The following RACGAP1 variants were observed in gnomAD, a reference collection of about 807,000 sequenced individuals.
The protein encoded by RACGAP1 is rac GTPase-activating protein 1.
RACGAP1 carries 30 observed loss-of-function variants against 78.1 expected under a neutral mutation model. That is an observed-to-expected ratio of 0.38 (90% CI 0.29 to 0.52). The LOEUF is 0.52. RACGAP1 is among the 20% of genes least tolerant of loss of function. The probability of loss-of-function intolerance (pLI) is 0.82; values close to 1 mark genes in which losing one functional copy is unlikely to be tolerated. For synonymous variants in RACGAP1, 231 were observed against 264.8 expected, an observed-to-expected ratio of 0.87 and a Z score of 1.24; for missense variants, 587 against 777.1, an observed-to-expected ratio of 0.76 and a Z score of 2.91.
At chr12:50,001,000 A>G (rs1948639578) in intron 7 of RACGAP1, among the ~76,000 whole-genome samples, 172 bp downstream of exon 7, 1 of 152,272 alleles carries the variant, frequency 6.6e-6, no homozygotes, top group Non-Finnish European at 1.5e-5. Context: ...GTGAGCCAAG[A>G]TGGTGCCATT....
rs1948844826 is a variant in RACGAP1, at chr12:50,004,253, G to A, written c.477C>T (p.Asp159=). 1.9e-6 allele frequency: 3 copies of A among 1,606,272 alleles called. No homozygotes were observed. The highest frequency in any genetic ancestry group is 2.6e-6 in the Non-Finnish European group (3 of 1,173,580). The change falls in exon 5 of 17, where the codon GAC becomes GAT. Residue 159 remains aspartate, a synonymous_variant. Coordinates refer to ENST00000312377, the MANE Select transcript of RACGAP1 (RefSeq NM_001319999.2). Reference sequence around the variant, plus strand: ...TTATTACCAGTGATTCATCAGTCTTGTCAAAGCTGATATCTGATAAAATGG... The same window carrying A: ...TTATTACCAGTGATTCATCAGTCTTATCAAAGCTGATATCTGATAAAATGG... ...SGSILSDISF[D]KTDESLDWDS... is the part of the protein sequence containing the mutation.
Position 49,999,279 on chromosome 12 carries a change from A to C in RACGAP1, c.749-8T>G, listed in dbSNP as rs993582048. 64 of 1,591,996 alleles carry C rather than the reference A, an allele frequency of 4.0e-5. No individual in the cohort carries two copies. Among genetic ancestry groups the C allele is most frequent in the Non-Finnish European group, 5.4e-5 (63 of 1,174,564 alleles). On this transcript the variant is annotated splice_region_variant and splice_polypyrimidine_tract_variant and intron_variant, in intron 8 of 16. Coordinates refer to ENST00000312377, the MANE Select transcript of RACGAP1 (RefSeq NM_001319999.2). ...TCCAAGGTTGTAAAGTACCTAGAAA[A>C]CAAGCAACTTTTAAGCTTTGTGTCT...
At chr12:50,026,998 G>A (rs553609182), upstream of RACGAP1, among the ~76,000 whole-genome samples, 14 of 152,130 alleles carry the variant, frequency 9.2e-5, no homozygotes, top group South Asian at 1.7e-3. Flanking sequence ...GCAGGCGTTC[G>A]GCTGACCCAC....
chr12:50,013,683 C>T (rs1236331544), intron 2 of RACGAP1, among the ~76,000 whole-genome samples: 1 of 152,244 alleles, frequency 6.6e-6, no homozygotes, highest in African/African-American at 2.4e-5. Flanking sequence ...TCAAGTCCCA[C>T]ACCCTCTTGC....
At chr12:50,018,967 G>A (rs1949841103) in intron 1 of RACGAP1, among the ~76,000 whole-genome samples, 1 of 151,796 alleles carries the variant, frequency 6.6e-6, no homozygotes, top group Non-Finnish European at 1.5e-5. Context: ...TCAGCCTCCT[G>A]ACACTGTTCT....
At chr12:50,015,674 C>T (rs187431133) in intron 2 of RACGAP1, among the ~76,000 whole-genome samples, 13,766 of 151,568 alleles carry the variant, frequency 0.091, 720 homozygotes, top group South Asian at 0.15. Context: ...TGGTGGCGGG[C>T]GCCTGTAGTC....
intron 6 of RACGAP1, among the ~76,000 whole-genome samples, 175 bp downstream of exon 6, chr12:50,002,072 G>GAAAAAAAAAAAAAAAAAA: frequency 1.1e-5 from 1 of 87,224 alleles, no homozygotes; most frequent in Non-Finnish European, 2.5e-5. Context: ...TCAAAAAAAA[G>GAAAAAAAAAAAAAAAAAA]AAAAAAAAAA....
At chr12:50,010,891 C>T (rs916693747) in intron 2 of RACGAP1, among the ~76,000 whole-genome samples, 1 of 149,046 alleles carries the variant, frequency 6.7e-6, no homozygotes. Flanking sequence ...GAGATCTCGC[C>T]ATTGCACTCC....
intron 6 of RACGAP1, among the ~76,000 whole-genome samples, 182 bp downstream of exon 6, chr12:50,002,065 A>T (rs1452257317): frequency 6.7e-6 from 1 of 148,722 alleles, no homozygotes; most frequent in African/African-American, 2.5e-5. Context: ...CTCCGTCTCA[A>T]AAAAAAGAAA....
chr12:50,023,571 T>G (rs1950118483), intron 1 of RACGAP1, among the ~76,000 whole-genome samples: 1 of 151,702 alleles, frequency 6.6e-6, no homozygotes, highest in Admixed American at 6.6e-5. Context: ...GTATCTCTAT[T>G]AAAAATAAAA....
intron 1 of RACGAP1, among the ~76,000 whole-genome samples, chr12:50,024,129 CCAGCCTGGGCGACA>C (rs1187052081): frequency 3.3e-5 from 5 of 151,914 alleles, no homozygotes; most frequent in Non-Finnish European, 5.9e-5. Context: ...CCACTGCACT[CCAGCCTGGGCGACA>C]CAGCGAGACT....
chr12:50,012,380 G>A (rs1017706912), intron 2 of RACGAP1, among the ~76,000 whole-genome samples: 4 of 151,976 alleles, frequency 2.6e-5, no homozygotes, highest in African/African-American at 7.2e-5. Context: ...CTAACATGGT[G>A]AGATCCCGTC....
At chr12:50,002,847 C>T (rs1216587635) in intron 5 of RACGAP1, among the ~76,000 whole-genome samples, 1 of 152,008 alleles carries the variant, frequency 6.6e-6, no homozygotes, top group African/African-American at 2.4e-5. Flanking sequence ...CGGTGAAACC[C>T]CGTCTCTACT....
In RACGAP1 at chr12:49,989,360, G is replaced by T. The variant is rs1388788558; in HGVS notation, c.*908C>A. 6.6e-6 allele frequency: 1 copy of T among 151,980 alleles called. No homozygotes were observed. The highest frequency in any genetic ancestry group is 1.5e-5 in the Non-Finnish European group (1 of 67,992). The allele number at this position is 151,980 out of a possible 1,614,324, so 9.4% of individuals were successfully genotyped here. ...CATGGGAAAAATTTCAGCATCCAAA[G>T]TGCAAAGAAAAAATGACTGTAGCTT... On this transcript the variant is annotated 3_prime_UTR_variant, in exon 17 of 17. Coordinates refer to ENST00000312377, the MANE Select transcript of RACGAP1 (RefSeq NM_001319999.2).
chr12:49,989,217 T>C lies in RACGAP1; in HGVS notation c.*1051A>G, dbSNP rs1947685609. On this transcript the variant is annotated 3_prime_UTR_variant, in exon 17 of 17. Coordinates refer to ENST00000312377, the MANE Select transcript of RACGAP1 (RefSeq NM_001319999.2). ...CCAAATATTATCCCAAATAGGTGTT[T>C]TACAGATAAGGGTCAATACGAAGTC... The C allele has an allele frequency of 2.0e-5, 3 of 152,232 alleles. No homozygotes were observed. Among genetic ancestry groups the C allele is most frequent in the Non-Finnish European group, 1.5e-5 (1 of 68,046 alleles). The allele number at this position is 152,232 out of a possible 1,614,324, so 9.4% of individuals were successfully genotyped here.
chr12:49,999,586 C>T (rs780569776), intron 8 of RACGAP1, 30 bp downstream of exon 8: 3 of 1,579,930 alleles, frequency 1.9e-6, no homozygotes, highest in East Asian at 4.5e-5. Flanking sequence ...TTGTTTTACA[C>T]AGGCCAGTTT....
At chr12:50,001,458 C>T (rs1005994472) in intron 6 of RACGAP1, among the ~76,000 whole-genome samples, 8 of 152,160 alleles carry the variant, frequency 5.3e-5, no homozygotes, top group Non-Finnish European at 1.2e-4. Context: ...TACAAAAATG[C>T]TCTCAGTGCC....
chr12:49,993,763 G>A (rs890046675), intron 12 of RACGAP1, among the ~76,000 whole-genome samples: 6 of 90,460 alleles, frequency 6.6e-5, no homozygotes, highest in South Asian at 3.6e-4. Context: ...AAAAAAAAAA[G>A]AGGCTGGGCA....
At chr12:50,012,574 A>C (rs186980077) in intron 2 of RACGAP1, among the ~76,000 whole-genome samples, 1 of 151,590 alleles carries the variant, frequency 6.6e-6, no homozygotes, top group African/African-American at 2.4e-5. Context: ...AAAAATAAAA[A>C]AAATAAATAA....
Sources: allele counts gnomAD v4.1 joint callset (sites outside exome capture counted in the v4.1 genomes callset), GRCh38; gene constraint gnomAD v4.1.1; transcripts MANE v1.5; gene names NCBI Gene and HGNC (gene_info 2026-07-23, HGNC 2026-07-21).